The following DTNB variants were observed in gnomAD, a reference collection of about 807,000 sequenced individuals.
DTNB encodes dystrobrevin beta, also known as DTN-B.
DTNB carries 63 observed loss-of-function variants against 90.7 expected under a neutral mutation model. The ratio of observed to expected loss-of-function variants is 0.69; its 90% confidence interval spans 0.57 to 0.86. DTNB has a LOEUF of 0.86. DTNB is among the 40% of genes least tolerant of loss of function. The pLI is 0.00. For synonymous variants in DTNB, 277 were observed against 286.7 expected, an observed-to-expected ratio of 0.97 and a Z score of 0.34; for missense variants, 744 against 807.1, an observed-to-expected ratio of 0.92 and a Z score of 0.95.
At chr2:25,482,453 T>C (rs2065159702) in intron 10 of DTNB, among the ~76,000 whole-genome samples, 3 of 152,018 alleles carry the variant, frequency 2.0e-5, no homozygotes, top group Admixed American at 2.0e-4. Context: ...AAGGCAAAAC[T>C]GTTGAAACTC....
intron 12 of DTNB, among the ~76,000 whole-genome samples, chr2:25,437,920 T>C (rs1414758736): frequency 6.6e-6 from 1 of 151,868 alleles, no homozygotes; most frequent in Non-Finnish European, 1.5e-5. Flanking sequence ...AAAATAAATA[T>C]AGACATCAGC....
In DTNB at chr2:25,569,648, T is replaced by G. The variant is rs138677935; in HGVS notation, c.876+7190A>C. Among the ~76,000 whole-genome samples the G allele has an allele frequency of 1.6e-3, 237 of 152,272 alleles. 1 individual carries two copies. Among genetic ancestry groups the G allele is most frequent in the African/African-American group, 5.4e-3 (223 of 41,576 alleles). On this transcript the variant is annotated intron_variant, in intron 8 of 20. Coordinates refer to ENST00000406818, the MANE Select transcript of DTNB (RefSeq NM_021907.5). Reference sequence around the variant, plus strand: ...ATGCCAGCAGTTGGGTGGGGGTATATTTGATTCGGGGGCTACTGGCAAGTC... The same window carrying G: ...ATGCCAGCAGTTGGGTGGGGGTATAGTTGATTCGGGGGCTACTGGCAAGTC...
At chr2:25,665,926 C>T (rs966957010) in intron 1 of DTNB, among the ~76,000 whole-genome samples, 3 of 152,144 alleles carry the variant, frequency 2.0e-5, no homozygotes, top group African/African-American at 7.2e-5. Context: ...AGCTAAATAA[C>T]CTCACGGGGC....
intron 9 of DTNB, among the ~76,000 whole-genome samples, chr2:25,526,795 G>A (rs2150871634): frequency 6.6e-6 from 1 of 152,150 alleles, no homozygotes; most frequent in East Asian, 1.9e-4. Context: ...TTATCTATAG[G>A]GGAAAAGGTG....
intron 8 of DTNB, among the ~76,000 whole-genome samples, chr2:25,574,374 T>C (rs541398436): frequency 5.3e-4 from 80 of 152,204 alleles, no homozygotes; most frequent in Non-Finnish European, 1.1e-3. Flanking sequence ...GGCATTTTCT[T>C]TGTAATAAAG....
intron 5 of DTNB, among the ~76,000 whole-genome samples, chr2:25,605,652 A>G (rs1378173065): frequency 6.6e-6 from 1 of 152,196 alleles, no homozygotes; most frequent in South Asian, 2.1e-4. Flanking sequence ...GAATACAGTT[A>G]ATTTTCTGCT....
chr2:25,433,100 C>T (rs755070235), intron 13 of DTNB, 101 bp from the exon 14 acceptor site: 4 of 1,183,076 alleles, frequency 3.4e-6, no homozygotes, highest in Non-Finnish European at 3.5e-6. Context: ...GCCTCCTCTA[C>T]CAATCTTGTT....
intron 15 of DTNB, among the ~76,000 whole-genome samples, chr2:25,420,463 AATCAATCTATCT>A (rs1339933595): frequency 6.3e-5 from 9 of 142,434 alleles, no homozygotes; most frequent in African/African-American, 1.4e-4. Flanking sequence ...CTGTCATCTA[AATCAATCTATCT>A]ATCTATCTAT....
intron 16 of DTNB, among the ~76,000 whole-genome samples, chr2:25,397,857 G>A (rs974842022): frequency 2.0e-5 from 3 of 146,732 alleles, no homozygotes; most frequent in Non-Finnish European, 4.5e-5. Flanking sequence ...TCCAGCCTGG[G>A]TGACAGAGCA....
At chr2:25,468,077 C>T (rs778127464) in intron 10 of DTNB, among the ~76,000 whole-genome samples, 10 of 151,958 alleles carry the variant, frequency 6.6e-5, no homozygotes, top group Non-Finnish European at 1.0e-4. Context: ...GAGAGGAGTT[C>T]GGGAGTCTTT....
At chr2:25,547,524 C>A (rs1572402109) in intron 8 of DTNB, among the ~76,000 whole-genome samples, 2 of 152,094 alleles carry the variant, frequency 1.3e-5, no homozygotes, top group African/African-American at 4.8e-5. Context: ...GGTTTCACCA[C>A]GTTGGGTCAA....
intron 9 of DTNB, among the ~76,000 whole-genome samples, chr2:25,500,878 T>G (rs1363708628): frequency 6.6e-6 from 1 of 152,200 alleles, no homozygotes; most frequent in African/African-American, 2.4e-5. Flanking sequence ...ATCATAGTGG[T>G]GAGCAAGGGC....
At chr2:25,664,277 G>C (rs1270712150) in intron 1 of DTNB, among the ~76,000 whole-genome samples, 1 of 152,026 alleles carries the variant, frequency 6.6e-6, no homozygotes. Context: ...GTTTCTTTCT[G>C]GCTGTTCACG....
chr2:25,612,469 T>C (rs1024543606), intron 4 of DTNB, among the ~76,000 whole-genome samples: 2 of 152,080 alleles, frequency 1.3e-5, no homozygotes, highest in African/African-American at 4.8e-5. Context: ...AAAATGCTTA[T>C]ACTAGAAAAG....
chr2:25,526,458 C>T (rs1316245180), intron 9 of DTNB, among the ~76,000 whole-genome samples: 3 of 144,036 alleles, frequency 2.1e-5, no homozygotes, highest in African/African-American at 7.9e-5. Flanking sequence ...TGCAATGGCG[C>T]GATCTCAGCT....
chr2:25,665,025 T>C (rs1274475567), intron 1 of DTNB, among the ~76,000 whole-genome samples: 1 of 152,210 alleles, frequency 6.6e-6, no homozygotes, highest in African/African-American at 2.4e-5. Context: ...TGTTAGTTCT[T>C]ACACTCTGTT....
intron 4 of DTNB, among the ~76,000 whole-genome samples, chr2:25,612,245 G>C (rs1559231148): frequency 6.6e-6 from 1 of 151,850 alleles, no homozygotes; most frequent in Non-Finnish European, 1.5e-5. Context: ...AGACTAAGGG[G>C]AAAAAAGCAA....
intron 16 of DTNB, among the ~76,000 whole-genome samples, chr2:25,403,918 C>T: frequency 6.6e-6 from 1 of 152,204 alleles, no homozygotes; most frequent in South Asian, 2.1e-4. Flanking sequence ...AGGCGTGTGC[C>T]ACTGTGCCCA....
chr2:25,569,583 C>A (rs898193315), intron 8 of DTNB, among the ~76,000 whole-genome samples: 3 of 152,146 alleles, frequency 2.0e-5, no homozygotes, highest in African/African-American at 4.8e-5. Flanking sequence ...CTCCTCTCCA[C>A]CCAGATCCAT....
Sources: gnomAD v4.1 joint callset for allele counts (sites outside exome capture counted in the v4.1 genomes callset) on GRCh38, gnomAD v4.1.1 for gene constraint, MANE v1.5 for transcripts, NCBI Gene and HGNC (gene_info 2026-07-23, HGNC 2026-07-21) for gene names.